The following CRLF1 variants were observed in gnomAD, a reference collection of about 807,000 sequenced individuals.
The protein encoded by CRLF1 is cytokine receptor like factor 1.
CRLF1 carries 36 observed loss-of-function variants against 48.9 expected under a neutral mutation model. The observed-to-expected ratio is 0.74, with a 90% CI of 0.56 to 0.97. CRLF1 has a LOEUF of 0.97. Among genes scored for constraint, CRLF1 ranks in the 50% least tolerant of loss-of-function variants. The pLI, the probability that CRLF1 is intolerant of heterozygous loss-of-function variation, is 0.00. For synonymous variants in CRLF1, 256 were observed against 253.4 expected (o/e 1.01, Z -0.10); for missense variants, 534 against 575.1 (o/e 0.93, Z 0.73).
intron 1 of CRLF1, among the ~76,000 whole-genome samples, chr19:18,604,979 G>T (rs1007008445): frequency 6.6e-6 from 1 of 151,768 alleles, no homozygotes; most frequent in Admixed American, 6.6e-5. Context: ...GGGTCCCCAC[G>T]GGGGTCCCCA....
chr19:18,598,250 G>A (rs762469397), intron 4 of CRLF1, among the ~76,000 whole-genome samples, 182 bp downstream of exon 4: 30 of 152,200 alleles, frequency 2.0e-4, no homozygotes, highest in Non-Finnish European at 3.7e-4. Context: ...GCGGACTGAT[G>A]AGCGGATGCT....
rs1398780118 is a variant in CRLF1 at position 18,598,480 on chromosome 19, G to T, written c.649C>A (p.Leu217Met). The T allele has an allele frequency of 5.0e-6, 8 of 1,614,170 alleles. No individual in the cohort carries two copies. The South Asian group carries it at 7.7e-5, about 16-fold the overall frequency. Residue 217 changes from leucine (L) to methionine (M), a missense_variant, in exon 4 of 9, where the codon CTG becomes ATG. By Grantham distance (15) the Leu-to-Met change is conservative. Transcript: ENST00000392386. ...AGTACATCGGAGCGGGCAGAGCCCA[G>T]GCGGTTGGTGGCCTCCACCCAGATC... is the stretch of plus-strand genomic sequence containing the variant. ...YEIWVEATNR[L>M]GSARSDVLTL...
At chr19:18,594,755 G>C (rs924920867) in intron 6 of CRLF1, among the ~76,000 whole-genome samples, 3 of 151,864 alleles carry the variant, frequency 2.0e-5, no homozygotes, top group Non-Finnish European at 4.4e-5. Context: ...AGAGCCGGGG[G>C]GATGAGACAT....
chr19:18,596,824 G>A (rs747979764), intron 5 of CRLF1, 34 bp from the exon 6 acceptor site: 5 of 1,612,952 alleles, frequency 3.1e-6, no homozygotes, highest in East Asian at 2.2e-5. Context: ...AGTAGAGGGC[G>A]GGGCCTAGCA....
At position 18,593,385 on chromosome 19, in the gene CRLF1, G is replaced by A; in HGVS notation, c.*181C>T. On this transcript the variant is annotated 3_prime_UTR_variant, in exon 9 of 9. Coordinates refer to ENST00000392386, the MANE Select transcript of CRLF1 (RefSeq NM_004750.5). ...CACACACACACACACCCACTGGGGT[G>A]CACCCAAAGGTGGCCTCACGTGGGA... The A allele has an allele frequency of 2.7e-6, 2 of 753,844 alleles. No individual in the cohort carries two copies. The highest frequency in any genetic ancestry group is 4.3e-6 in the Non-Finnish European group (2 of 460,454). The allele number at this position is 753,844 out of a possible 1,614,324, so 46.7% of individuals were successfully genotyped here. A position where few individuals can be genotyped will look rare whatever the true frequency, so the allele number is the denominator to read the frequency against.
In CRLF1 at chr19:18,593,555, G is replaced by T. The variant is rs140234226; in HGVS notation, c.*11C>A. 3.7e-3 allele frequency: 5,951 copies of T among 1,610,604 alleles called. 18 individuals are homozygous for T. The highest frequency in any genetic ancestry group is 4.7e-3 in the Non-Finnish European group (5,560 of 1,178,936). On this transcript the variant is annotated 3_prime_UTR_variant, in exon 9 of 9. Coordinates refer to ENST00000392386, the MANE Select transcript of CRLF1 (RefSeq NM_004750.5). ...CCACGTGGCAGGGAGGGTGGCCTGAGCCCCTACAGCTTATCTGGCAGGACC... is the reference window on the plus strand; with the variant it reads ...CCACGTGGCAGGGAGGGTGGCCTGATCCCCTACAGCTTATCTGGCAGGACC...
rs781453921 is a variant in CRLF1 at position 18,594,104 on chromosome 19, C to A, written c.1216G>T (p.Glu406Ter). The A allele has an allele frequency of 7.6e-6, 12 of 1,574,278 alleles. No individual in the cohort carries two copies. The highest frequency in any genetic ancestry group is 3.5e-5 in the South Asian group (3 of 86,174). ...QKSHKTRNQD[E>*]GILPSGRRGT... ...CGTCTGCCCGAGGGCAGGATCCCCT[C>A]GTCCTGTGCTTGGAAGGAAGGCAGA... is the stretch of plus-strand genomic sequence containing the variant. Residue 406 changes from glutamate to a stop codon, truncating the protein, a stop_gained, in exon 8 of 9, where the codon GAG (glutamate) becomes TAG (stop). Transcript: ENST00000392386. LOFTEE classifies it high-confidence loss of function.
At position 18,598,905 on chromosome 19, in the gene CRLF1, G is replaced by A. The variant is rs1001268728; in HGVS notation, c.398-4C>T. The A allele has an allele frequency of 1.9e-5, 31 of 1,613,832 alleles. No homozygotes were observed. Among genetic ancestry groups the A allele is most frequent in the Non-Finnish European group, 2.6e-5 (31 of 1,179,922 alleles). On this transcript the variant is annotated splice_polypyrimidine_tract_variant and splice_region_variant and intron_variant, in intron 2 of 8. Transcript: ENST00000392386. ...TTGACGGGTTTCTCTGGGGGCACTG[G>A]GAGAAGGGGAGGGTGCAGGAAGCAG...
intron 6 of CRLF1, among the ~76,000 whole-genome samples, chr19:18,596,210 G>T (rs1976129629): frequency 1.3e-5 from 2 of 152,024 alleles, no homozygotes; most frequent in African/African-American, 4.8e-5. Flanking sequence ...GCTCTGGGGG[G>T]GCCACCAGTT....
chr19:18,599,480 C>G, intron 2 of CRLF1, 85 bp downstream of exon 2: 1 of 1,580,748 alleles, frequency 6.3e-7, no homozygotes, highest in Admixed American at 1.7e-5. Flanking sequence ...ATCCCCAGGC[C>G]AGAAGGCCCA....
chr19:18,594,450 G>C lies in CRLF1; in HGVS notation c.1025-16C>G, dbSNP rs1344977453. 3 of 1,389,450 alleles carry C rather than the reference G, an allele frequency of 2.2e-6. No individual in the cohort carries two copies. Among genetic ancestry groups the C allele is most frequent in the Non-Finnish European group, 2.8e-6 (3 of 1,073,316 alleles). The allele number at this position is 1,389,450 out of a possible 1,614,324, so 86.1% of individuals were successfully genotyped here. A position where few individuals can be genotyped will look rare whatever the true frequency, so the allele number is the denominator to read the frequency against. Reference sequence around the variant, plus strand: ...CCCGGGCGCTCTGGTGGTGGGCGGAGCGGCAGTGTCAGAGCGCGCCCGGCA... The same window carrying C: ...CCCGGGCGCTCTGGTGGTGGGCGGACCGGCAGTGTCAGAGCGCGCCCGGCA... On this transcript the variant is annotated splice_polypyrimidine_tract_variant and intron_variant, in intron 6 of 8. Coordinates refer to ENST00000392386, the MANE Select transcript of CRLF1 (RefSeq NM_004750.5).
chr19:18,602,931 G>A lies in CRLF1; in HGVS notation c.116-3085C>T, dbSNP rs939001280. On this transcript the variant is annotated intron_variant, in intron 1 of 8. Coordinates refer to ENST00000392386, the MANE Select transcript of CRLF1 (RefSeq NM_004750.5). ...TCGCCATGTTGGCCAGGCTGGTCTC[G>A]AACTCTTGACCTCCAGTGATCCACC... 3.3e-5 allele frequency among the ~76,000 whole-genome samples: 5 copies of A among 152,086 alleles called. No individual in the cohort carries two copies. In the South Asian group the frequency reaches 6.2e-4, roughly 19 times the overall value.
intron 6 of CRLF1, among the ~76,000 whole-genome samples, chr19:18,595,729 C>T (rs2145328191): frequency 6.6e-6 from 1 of 152,368 alleles, no homozygotes; most frequent in Non-Finnish European, 1.5e-5. Context: ...GGAGGCCAGA[C>T]ATTCCAAGTA....
At chr19:18,596,601 C>T in intron 6 of CRLF1, 21 bp downstream of exon 6, 1 of 1,611,004 alleles carries the variant, frequency 6.2e-7, no homozygotes. Context: ...CTGGATCACC[C>T]AGCCCTAGGA....
intron 4 of CRLF1, 132 bp downstream of exon 4, chr19:18,598,300 C>T (rs991079634): frequency 3.1e-6 from 3 of 971,936 alleles, no homozygotes; most frequent in African/African-American, 1.6e-5. Flanking sequence ...GCAGGGACAA[C>T]CCGGGAGTTG....
intron 1 of CRLF1, among the ~76,000 whole-genome samples, chr19:18,603,704 G>A (rs1243092937): frequency 6.6e-6 from 1 of 152,182 alleles, no homozygotes; most frequent in Non-Finnish European, 1.5e-5. Flanking sequence ...GGGCGAGGTG[G>A]GGTGGACACG....
intron 8 of CRLF1, 36 bp downstream of exon 8, chr19:18,594,029 T>TGCGGG (rs1976092374): frequency 2.9e-6 from 4 of 1,366,646 alleles, no homozygotes; most frequent in Non-Finnish European, 4.1e-6. Context: ...GCCCTCCCCT[T>TGCGGG]GCTCCCTCCC....
At position 18,593,364 on chromosome 19, in the gene CRLF1, C is replaced by T. The variant is rs560777470; in HGVS notation, c.*202G>A. On this transcript the variant is annotated 3_prime_UTR_variant, in exon 9 of 9. Coordinates refer to ENST00000392386, the MANE Select transcript of CRLF1 (RefSeq NM_004750.5). ...AGGCAACTCAACCAACCCTCACACA[C>T]ACACACACACCCACTGGGGTGCACC... 2.0e-4 allele frequency: 135 copies of T among 671,480 alleles called. No homozygotes were observed. The highest frequency in any genetic ancestry group is 3.2e-4 in the Non-Finnish European group (127 of 392,574). The allele number at this position is 671,480 out of a possible 1,614,324, so 41.6% of individuals were successfully genotyped here.
intron 6 of CRLF1, 33 bp downstream of exon 6, chr19:18,596,589 C>T (rs147530893): frequency 1.1e-4 from 176 of 1,608,808 alleles, no homozygotes; most frequent in Non-Finnish European, 1.3e-4. Flanking sequence ...TCGGACTGGC[C>T]GCTGGATCAC....
Sources: allele counts gnomAD v4.1 joint callset (sites outside exome capture counted in the v4.1 genomes callset), GRCh38; gene constraint gnomAD v4.1.1; transcripts MANE v1.5; gene names NCBI Gene and HGNC (gene_info 2026-07-23, HGNC 2026-07-21).